The following TEC variants were observed in gnomAD, a reference collection of about 807,000 sequenced individuals.
TEC encodes the protein tec protein tyrosine kinase, also known as tyrosine-protein kinase Tec.
A neutral mutation model predicts 93.0 loss-of-function variants in TEC; 72 were observed. That is an observed-to-expected ratio of 0.77 (90% confidence interval 0.64 to 0.94). The LOEUF is 0.94. TEC is among the 40% of genes least tolerant of loss of function. The pLI is 0.00. For missense variants in TEC, 630 were observed against 757.9 expected, an observed-to-expected ratio of 0.83 and a Z score of 1.98; for synonymous variants, 249 against 247.7, an observed-to-expected ratio of 1.01 and a Z score of -0.05.
intron 1 of TEC, among the ~76,000 whole-genome samples, chr4:48,236,393 T>A (rs1286205459): frequency 6.6e-6 from 1 of 151,978 alleles, no homozygotes; most frequent in Non-Finnish European, 1.5e-5. Context: ...GCCATTCTCC[T>A]GCCTCAGCCT....
In TEC at chr4:48,257,126, CTGAGT is replaced by C. The variant is rs1374209104; in HGVS notation, c.-46+12621_-46+12625del. On this transcript the variant is annotated intron_variant, in intron 1 of 17. Transcript: ENST00000381501. ...AAAGATGTCCTGTACTGTATTTCTC[CTGAGT>C]TATTTCTAGTATCTCAATAATTTTA... is the stretch of plus-strand genomic sequence containing the variant. 1.9e-4 allele frequency among the ~76,000 whole-genome samples: 29 copies of C among 152,182 alleles called. 1 individual carries two copies. Among genetic ancestry groups the C allele is most frequent in the African/African-American group, 6.7e-4 (28 of 41,522 alleles).
chr4:48,214,642 AGGATTTT>A, intron 2 of TEC, among the ~76,000 whole-genome samples: 1 of 152,280 alleles, frequency 6.6e-6, no homozygotes, highest in Admixed American at 6.5e-5. Context: ...ACTTGAGCTC[AGGATTTT>A]GAGACCAGCC....
chr4:48,222,668 C>T (rs1723305928), intron 2 of TEC, among the ~76,000 whole-genome samples: 2 of 151,170 alleles, frequency 1.3e-5, no homozygotes, highest in Admixed American at 1.3e-4. Flanking sequence ...GGAATTTACC[C>T]CTTTTTCCTT....
chr4:48,192,652 GA>G (rs145701949), intron 2 of TEC, among the ~76,000 whole-genome samples: 5,669 of 150,102 alleles, frequency 0.038, 299 homozygotes, highest in East Asian at 0.22. Flanking sequence ...AATGGTAAAA[GA>G]AAAAAAAATG....
chr4:48,256,663 C>T (rs1486764415), intron 1 of TEC, among the ~76,000 whole-genome samples: 1 of 143,122 alleles, frequency 7.0e-6, no homozygotes, highest in Non-Finnish European at 1.5e-5. Context: ...CTTTTAAAAA[C>T]TTTACTTCTA....
chr4:48,142,981 C>T (rs974486804), intron 14 of TEC, among the ~76,000 whole-genome samples: 6 of 152,092 alleles, frequency 3.9e-5, no homozygotes, highest in Admixed American at 2.0e-4. Context: ...CACACCTGGC[C>T]GATAATATTT....
chr4:48,150,904 T>C lies in TEC; in HGVS notation c.831A>G (p.Gln277=), dbSNP rs76959651. Residue 277 remains glutamine (Q), a synonymous_variant, in exon 10 of 18, where the codon CAA becomes CAG. Coordinates refer to ENST00000381501, the MANE Select transcript of TEC (RefSeq NM_003215.3). ...AAAGGGAGACTGTGTACAAGCCTGGTTGACTGGAATCCCTTACCATAAAAC... is the reference window on the plus strand; with the variant it reads ...AAAGGGAGACTGTGTACAAGCCTGGCTGACTGGAATCCCTTACCATAAAAC... ...EGGFMVRDSS[Q]PGLYTVSLYT... is the part of the protein sequence containing the mutation. 1.5e-3 allele frequency: 2,412 copies of C among 1,589,374 alleles called. 33 individuals are homozygous for C. In the African/African-American group the frequency reaches 0.028, roughly 18 times the overall value.
chr4:48,195,278 T>C (rs1205036993), intron 2 of TEC, among the ~76,000 whole-genome samples: 1 of 152,226 alleles, frequency 6.6e-6, no homozygotes, highest in South Asian at 2.1e-4. Flanking sequence ...AAATATTCTA[T>C]GATAAAAGGT....
chr4:48,178,641 T>A (rs77978596), intron 2 of TEC, among the ~76,000 whole-genome samples: 1 of 152,118 alleles, frequency 6.6e-6, no homozygotes, highest in African/African-American at 2.4e-5. Context: ...AGAGGACTCA[T>A]GGAGCCAAGT....
intron 11 of TEC, among the ~76,000 whole-genome samples, chr4:48,147,348 G>T (rs1429546121): frequency 6.6e-6 from 1 of 152,016 alleles, no homozygotes; most frequent in East Asian, 1.9e-4. Context: ...ATTCATAAGA[G>T]AACAAATGTG....
chr4:48,160,408 G>A (rs1198936754), intron 8 of TEC, among the ~76,000 whole-genome samples: 1 of 152,140 alleles, frequency 6.6e-6, no homozygotes, highest in Non-Finnish European at 1.5e-5. Flanking sequence ...TCCAGAGACA[G>A]GAGAAAGAGG....
At chr4:48,209,494 TC>T (rs1722823551) in intron 2 of TEC, among the ~76,000 whole-genome samples, 1 of 151,644 alleles carries the variant, frequency 6.6e-6, no homozygotes, top group Admixed American at 6.6e-5. Context: ...AACGCCTGTA[TC>T]CCAGCTATTC....
chr4:48,168,984 C>T (rs1293471174), intron 5 of TEC, among the ~76,000 whole-genome samples: 1 of 152,196 alleles, frequency 6.6e-6, no homozygotes, highest in East Asian at 1.9e-4. Context: ...GTCCATTCCT[C>T]TACAGTCCAC....
chr4:48,158,558 C>T (rs372728658), intron 8 of TEC, among the ~76,000 whole-genome samples: 2 of 152,192 alleles, frequency 1.3e-5, no homozygotes, highest in African/African-American at 4.8e-5. Flanking sequence ...GGAAACACAC[C>T]TGGAGCTTTA....
At chr4:48,138,104 C>G (rs927848812) in intron 17 of TEC, among the ~76,000 whole-genome samples, 2 of 152,218 alleles carry the variant, frequency 1.3e-5, no homozygotes, top group African/African-American at 4.8e-5. Context: ...CCTTAATCTT[C>G]TCATCTACAG....
intron 2 of TEC, among the ~76,000 whole-genome samples, chr4:48,214,899 TC>T (rs2109617430): frequency 6.6e-6 from 1 of 152,110 alleles, no homozygotes; most frequent in South Asian, 2.1e-4. Flanking sequence ...ACTCCTGTAA[TC>T]CCAGCACCTT....
chr4:48,141,536 GAA>G (rs1217325738), intron 14 of TEC, 117 bp from the exon 15 acceptor site: 4 of 972,790 alleles, frequency 4.1e-6, no homozygotes, highest in Non-Finnish European at 6.2e-6. Flanking sequence ...GCAGAGAGTG[GAA>G]ACACCCTTTA....
intron 7 of TEC, among the ~76,000 whole-genome samples, chr4:48,166,074 A>T (rs1720861935): frequency 6.6e-6 from 1 of 152,212 alleles, no homozygotes; most frequent in African/African-American, 2.4e-5. Context: ...TCTAAAAAAC[A>T]AATTGTGCTG....
chr4:48,171,086 A>G (rs996069207), intron 4 of TEC, among the ~76,000 whole-genome samples: 6 of 152,238 alleles, frequency 3.9e-5, no homozygotes, highest in Non-Finnish European at 5.9e-5. Flanking sequence ...TTCTGTTATC[A>G]TAAAAGCTTG....
Sources: allele counts gnomAD v4.1 joint callset (sites outside exome capture counted in the v4.1 genomes callset), GRCh38; gene constraint gnomAD v4.1.1; transcripts MANE v1.5; gene names NCBI Gene and HGNC (gene_info 2026-07-23, HGNC 2026-07-21).